HIP1R: variants seen among roughly 807,000 people sequenced by gnomAD.
HIP1R encodes the protein huntingtin interacting protein 1 related.
In HIP1R, 135 loss-of-function variants were observed where a neutral mutation model predicts 144.2. The observed-to-expected ratio is 0.94, with a 90% CI of 0.81 to 1.08. HIP1R has a LOEUF of 1.08. Among genes scored for constraint, HIP1R ranks in the 50% least tolerant of loss-of-function variants. The pLI is 0.00. For missense variants in HIP1R, 1,462 were observed against 1,432.8 expected (o/e 1.02, Z -0.33); for synonymous variants, 698 against 612.8 (o/e 1.14, Z -2.05).
At chr12:122,852,730 G>C (rs2033436691) in intron 7 of HIP1R, among the ~76,000 whole-genome samples, 1 of 152,174 alleles carries the variant, frequency 6.6e-6, no homozygotes, top group Admixed American at 6.5e-5. Flanking sequence ...AGAGAACGGA[G>C]GGTGGTGGGA....
intron 9 of HIP1R, 44 bp from the exon 10 acceptor site, chr12:122,855,009 T>A: frequency 6.2e-7 from 1 of 1,613,404 alleles, no homozygotes; most frequent in Non-Finnish European, 8.5e-7. Flanking sequence ...GGGGAGAGGC[T>A]CCGTGGCCCC....
At chr12:122,852,351 G>A (rs79360818) in intron 7 of HIP1R, among the ~76,000 whole-genome samples, 2,093 of 152,290 alleles carry the variant, frequency 0.014, 47 homozygotes, top group African/African-American at 0.048. Flanking sequence ...CAAAGGTGTG[G>A]CCCCAACTGT....
chr12:122,862,110 C>A lies in HIP1R; in HGVS notation c.*357C>A, dbSNP rs1566117483. The A allele has an allele frequency of 4.5e-6, 1 of 223,652 alleles. No homozygotes were observed. Among genetic ancestry groups the A allele is most frequent in the Non-Finnish European group, 8.7e-6 (1 of 115,070 alleles). The allele number at this position is 223,652 out of a possible 1,614,324, so 13.9% of individuals were successfully genotyped here. ...CTTCTTCCTACGTTTGTAGTCAGCA[C>A]ACTGGGAAACCGGGCCAGCGTGGGG... On this transcript the variant is annotated 3_prime_UTR_variant, in exon 32 of 32. Transcript: ENST00000253083.
intron 8 of HIP1R, 95 bp downstream of exon 8, chr12:122,854,278 A>G (rs2135664550): frequency 9.0e-7 from 1 of 1,108,808 alleles, no homozygotes; most frequent in East Asian, 2.9e-5. Flanking sequence ...TTAGAGGTTT[A>G]TTCATTTAAA....
chr12:122,850,310 AG>A (rs2033337973), intron 5 of HIP1R: 1 of 450,754 alleles, frequency 2.2e-6, no homozygotes, highest in Non-Finnish European at 4.3e-6. Context: ...TGCCAAGAGC[AG>A]GGTCCAGCGT....
intron 26 of HIP1R, 35 bp downstream of exon 26, chr12:122,860,245 A>G (rs2033728202): frequency 1.3e-6 from 2 of 1,539,340 alleles, no homozygotes; most frequent in Non-Finnish European, 1.7e-6. Flanking sequence ...ACAGTCCACA[A>G]GGAGCCTGAC....
intron 25 of HIP1R, 26 bp from the exon 26 acceptor site, chr12:122,860,122 A>C: frequency 6.3e-7 from 1 of 1,587,780 alleles, no homozygotes; most frequent in Non-Finnish European, 8.6e-7. Flanking sequence ...GAGGGCCACC[A>C]GTCATTGCTG....
At chr12:122,846,521 C>T (rs1310169018) in intron 1 of HIP1R, among the ~76,000 whole-genome samples, 3 of 152,176 alleles carry the variant, frequency 2.0e-5, no homozygotes, top group Non-Finnish European at 4.4e-5. Flanking sequence ...TTGGTGGATA[C>T]GAGTTTGTTC....
Position 122,857,715 on chromosome 12 carries a change from C to G in HIP1R, c.1816-387C>G, listed in dbSNP as rs534000825. 2.6e-5 allele frequency: 7 copies of G among 265,982 alleles called. No homozygotes were observed. In the East Asian group the frequency reaches 3.2e-4, roughly 12 times the overall value. The allele number at this position is 265,982 out of a possible 1,614,324, so 16.5% of individuals were successfully genotyped here. ...CTCCCACCAGCAACGCATGAATGTT[C>G]CAGTTTCTCCACATCCTTGCCAATG... On this transcript the variant is annotated intron_variant, in intron 18 of 31. Transcript: ENST00000253083.
In HIP1R at chr12:122,835,508, G is replaced by A. The variant is rs2032855811; in HGVS notation, c.-43G>A. On this transcript the variant is annotated 5_prime_UTR_variant, in exon 1 of 32. Transcript: ENST00000253083. ...GGGCTGCCGGACCGTGAGGCTGTGAGTCGCGCGGACGGAGCCGGACAAAAG... is the reference window on the plus strand; with the variant it reads ...GGGCTGCCGGACCGTGAGGCTGTGAATCGCGCGGACGGAGCCGGACAAAAG... The A allele has an allele frequency of 2.3e-6, 3 of 1,294,920 alleles. No homozygotes were observed. The highest frequency in any genetic ancestry group is 1.9e-5 in the South Asian group (1 of 51,282). The allele number at this position is 1,294,920 out of a possible 1,614,324, so 80.2% of individuals were successfully genotyped here.
chr12:122,859,836 C>G lies in HIP1R; in HGVS notation c.2465+6C>G, dbSNP rs746747405. The G allele has an allele frequency of 2.1e-5, 34 of 1,611,406 alleles. No homozygotes were observed. Among genetic ancestry groups the G allele is most frequent in the Non-Finnish European group, 2.9e-5 (34 of 1,179,128 alleles). ...AAGCTGGAGGTGAACGAGAGGTGAG[C>G]CCCCCTTCTGTCCCCCCAGGCCCAG... On this transcript the variant is annotated splice_donor_region_variant and intron_variant, in intron 24 of 31. Coordinates refer to ENST00000253083, the MANE Select transcript of HIP1R (RefSeq NM_003959.3).
In HIP1R at chr12:122,853,978, A is replaced by C; in HGVS notation, c.578-65A>C. On this transcript the variant is annotated intron_variant, in intron 7 of 31. Transcript: ENST00000253083. ...GCTTAGGGCCCTGCTTCACAGTTGG[A>C]CCACCTTGGACAGGTTGCCCAGCTC... The C allele has an allele frequency of 1.9e-6, 3 of 1,538,726 alleles. No individual in the cohort carries two copies. In the East Asian group the frequency reaches 7.1e-5, roughly 36 times the overall value.
chr12:122,848,783 C>T lies in HIP1R; in HGVS notation c.301-13C>T, dbSNP rs1021454823. The T allele has an allele frequency of 1.7e-5, 27 of 1,613,042 alleles. No individual in the cohort carries two copies. Among genetic ancestry groups the T allele is most frequent in the Non-Finnish European group, 2.2e-5 (26 of 1,179,952 alleles). ...CTGGACACTCCCCCACTCCCGTATT[C>T]CCTGCGCTGCAGGTGCTGCATGACT... On this transcript the variant is annotated splice_polypyrimidine_tract_variant and intron_variant, in intron 3 of 31. Transcript: ENST00000253083.
chr12:122,854,886 C>G lies in HIP1R; in HGVS notation c.719-19C>G, dbSNP rs369853543. 1.9e-5 allele frequency: 30 copies of G among 1,611,812 alleles called. No individual in the cohort carries two copies. Among genetic ancestry groups the G allele is most frequent in the Non-Finnish European group, 2.5e-5 (30 of 1,179,240 alleles). On this transcript the variant is annotated intron_variant, in intron 8 of 31. Coordinates refer to ENST00000253083, the MANE Select transcript of HIP1R (RefSeq NM_003959.3). Reference sequence around the variant, plus strand: ...AGCAGTGTGCAGAGAAGTCCTGTTACACTTGTGCCACCCTCCAGGTCTCCC... The same window carrying G: ...AGCAGTGTGCAGAGAAGTCCTGTTAGACTTGTGCCACCCTCCAGGTCTCCC...
chr12:122,857,234 C>A lies in HIP1R; in HGVS notation c.1815+19C>A. The stretch of plus-strand genomic sequence containing the variant: ...AGAGAGGGTATGGCCTCCCCAGATG[C>A]AGCAGCACCACTGAGTTCACTGCCG... On this transcript the variant is annotated intron_variant, in intron 18 of 31. Coordinates refer to ENST00000253083, the MANE Select transcript of HIP1R (RefSeq NM_003959.3). 2.6e-6 allele frequency: 4 copies of A among 1,547,092 alleles called. No homozygotes were observed. Among genetic ancestry groups the A allele is most frequent in the Non-Finnish European group, 3.5e-6 (4 of 1,143,868 alleles).
Position 122,860,501 on chromosome 12 carries a change from G to A in HIP1R, c.2638G>A (p.Gly880Ser). 1.9e-6 allele frequency: 3 copies of A among 1,612,862 alleles called. No homozygotes were observed. Among genetic ancestry groups the A allele is most frequent in the Non-Finnish European group, 1.7e-6 (2 of 1,179,798 alleles). ...CCTCATCTCGGCCTCCAAGGCTGTG[G>A]GCTGGGGAGCCACACAGCTGGTGTA... ...EGLISASKAV[G>S]WGATQLVEAA... Residue 880 changes from glycine to serine, a missense_variant, in exon 27 of 32, where the codon GGC becomes AGC. Physicochemically the swap from Gly to Ser is moderately conservative, Grantham distance 56. This residue lies in a region of HIP1R where 1,112 missense variants were observed against 1,011.7 expected (regional missense o/e 1.10). Transcript: ENST00000253083.
chr12:122,860,918 G>C lies in HIP1R; in HGVS notation c.2769G>C (p.Val923=). Residue 923 remains valine (V), a splice_region_variant and synonymous_variant, in exon 29 of 32, where the codon GTG becomes GTC. Transcript: ENST00000253083. The part of the protein sequence containing the change: ...STAQLVAASK[V]KANKHSPHLS... ...CACCCTGACCTCTCGCCCCTCAGGTGAAGGCCAACAAGCACAGCCCCCACC... is the reference window on the plus strand; with the variant it reads ...CACCCTGACCTCTCGCCCCTCAGGTCAAGGCCAACAAGCACAGCCCCCACC... The C allele has an allele frequency of 6.2e-7, 1 of 1,610,094 alleles. No individual in the cohort carries two copies. Among genetic ancestry groups the C allele is most frequent in the East Asian group, 2.2e-5 (1 of 44,726 alleles).
rs771817096 is a variant in HIP1R at position 122,859,752 on chromosome 12, G to A, written c.2407-20G>A. On this transcript the variant is annotated intron_variant, in intron 23 of 31. Transcript: ENST00000253083. ...GGTCCCCTCCTCCCAGCCAGCTCAC[G>A]GCTCTGTTCTTGGGTGCAGGACATG... The A allele has an allele frequency of 1.1e-5, 18 of 1,610,548 alleles. No homozygotes were observed. Among genetic ancestry groups the A allele is most frequent in the East Asian group, 4.5e-5 (2 of 44,790 alleles).
At position 122,851,281 on chromosome 12, in the gene HIP1R, G is replaced by A. The variant is rs771034485; in HGVS notation, c.561G>A (p.Leu187=). Residue 187 remains leucine, a synonymous_variant, in exon 7 of 32, where the codon CTG becomes CTA. Transcript: ENST00000253083. The part of the protein sequence containing the change: ...VEMFDYMDCE[L]KLSESVFRQL... ...TGTTTGATTACATGGATTGTGAGCT[G>A]AAGCTTTCTGAATCAGGTGAGCCGT... 1.9e-6 allele frequency: 3 copies of A among 1,555,250 alleles called. No individual in the cohort carries two copies. The highest frequency in any genetic ancestry group is 2.4e-5 in the South Asian group (2 of 81,836).
Sources: gnomAD v4.1 joint callset for allele counts (sites outside exome capture counted in the v4.1 genomes callset) on GRCh38, gnomAD v4.1.1 for gene constraint, gnomAD v4.1.1 regional missense constraint, MANE v1.5 for transcripts, NCBI Gene and HGNC (gene_info 2026-07-23, HGNC 2026-07-21) for gene names.